Variants in PTPRD observed in about 807,000 individuals in gnomAD.
PTPRD encodes protein tyrosine phosphatase receptor type D.
PTPRD carries 34 observed loss-of-function variants against 214.5 expected under a neutral mutation model. The observed-to-expected ratio is 0.16, with a 90% CI of 0.12 to 0.21. The LOEUF (loss-of-function observed/expected upper bound fraction) is 0.21. PTPRD is among the 10% of genes least tolerant of loss of function. The pLI, the probability that PTPRD is intolerant of heterozygous loss-of-function variation, is 1.00. For missense variants in PTPRD, 2,545 were observed against 2,398.7 expected, an observed-to-expected ratio of 1.06 and a Z score of -1.27; for synonymous variants, 1,128 against 845.7, an observed-to-expected ratio of 1.33 and a Z score of -5.79.
chr9:10,174,512 A>T (rs1233207856), intron 3 of PTPRD, among the ~76,000 whole-genome samples: 1 of 152,066 alleles, frequency 6.6e-6, no homozygotes, highest in East Asian at 1.9e-4. Context: ...TAAATTTATA[A>T]ATCACCCAGC....
intron 30 of PTPRD, 125 bp downstream of exon 30, chr9:8,483,994 C>A: frequency 7.9e-7 from 1 of 1,259,072 alleles, no homozygotes; most frequent in Non-Finnish European, 1.1e-6. Context: ...AACTGGGAGT[C>A]TGAGCAGAAG....
chr9:9,782,536 G>C (rs2098859430), intron 5 of PTPRD, among the ~76,000 whole-genome samples: 1 of 152,116 alleles, frequency 6.6e-6, no homozygotes, highest in Non-Finnish European at 1.5e-5. Flanking sequence ...GGAAACCCTA[G>C]GTTGTGATAA....
At chr9:10,484,478 A>T (rs2099119849) in intron 2 of PTPRD, among the ~76,000 whole-genome samples, 1 of 152,040 alleles carries the variant, frequency 6.6e-6, no homozygotes, top group African/African-American at 2.4e-5. Flanking sequence ...TTTCCATAGT[A>T]GTTGTATTAT....
intron 2 of PTPRD, among the ~76,000 whole-genome samples, chr9:10,599,846 C>G (rs187411232): frequency 6.6e-6 from 1 of 151,716 alleles, no homozygotes; most frequent in Non-Finnish European, 1.5e-5. Context: ...GAGGCTTTTA[C>G]GCTTCCCAGT....
At chr9:9,421,815 C>T (rs2078911829) in intron 8 of PTPRD, among the ~76,000 whole-genome samples, 1 of 152,044 alleles carries the variant, frequency 6.6e-6, no homozygotes, top group African/African-American at 2.4e-5. Flanking sequence ...ATTCTTGGCA[C>T]ATGGTGTGCA....
chr9:8,970,106 G>A lies in PTPRD; in HGVS notation c.-104+48591C>T, dbSNP rs115622392. Among the ~76,000 whole-genome samples, 383 of 151,942 alleles carry A rather than the reference G, an allele frequency of 2.5e-3. 1 individual carries two copies. The highest frequency in any genetic ancestry group is 9.1e-3 in the African/African-American group (378 of 41,518). ...TAAAGGGTATGTGGAGTTGCCATGT[G>A]TTCAGTTTATAACTAGAAATTCTAG... is the stretch of plus-strand genomic sequence containing the variant. On this transcript the variant is annotated intron_variant, in intron 11 of 45. Coordinates refer to ENST00000381196, the MANE Select transcript of PTPRD (RefSeq NM_002839.4).
At chr9:9,765,700 G>A (rs1023440483) in intron 6 of PTPRD, among the ~76,000 whole-genome samples, 12 of 152,104 alleles carry the variant, frequency 7.9e-5, no homozygotes, top group African/African-American at 2.7e-4. Flanking sequence ...TCGCTCTGTC[G>A]CCCAGGCTGG....
At chr9:9,422,690 G>A (rs1256292728) in intron 8 of PTPRD, among the ~76,000 whole-genome samples, 1 of 152,100 alleles carries the variant, frequency 6.6e-6, no homozygotes, top group East Asian at 1.9e-4. Flanking sequence ...AATAGCTAGG[G>A]AGACAAAAAG....
At chr9:8,927,715 A>G (rs944108825) in intron 11 of PTPRD, among the ~76,000 whole-genome samples, 1 of 152,174 alleles carries the variant, frequency 6.6e-6, no homozygotes, top group Non-Finnish European at 1.5e-5. Flanking sequence ...TCCTTTGGGT[A>G]TATACCCAGA....
chr9:9,899,614 T>C (rs994236236), intron 5 of PTPRD, among the ~76,000 whole-genome samples: 1 of 151,930 alleles, frequency 6.6e-6, no homozygotes, highest in Non-Finnish European at 1.5e-5. Context: ...TTTAAGTTAG[T>C]ACAGCTATTA....
At chr9:9,202,594 G>C (rs2099942513) in intron 9 of PTPRD, among the ~76,000 whole-genome samples, 1 of 152,142 alleles carries the variant, frequency 6.6e-6, no homozygotes, top group South Asian at 2.1e-4. Context: ...CTCTAGTTGG[G>C]GGATGGGGGG....
chr9:9,750,164 C>T (rs2761707), intron 6 of PTPRD, among the ~76,000 whole-genome samples: 80,507 of 151,960 alleles, frequency 0.53, 24,512 homozygotes, highest in African/African-American at 0.83. Context: ...CTCTCTCTAG[C>T]GCATATCCTA....
At chr9:10,603,950 G>A (rs1422449719) in intron 2 of PTPRD, among the ~76,000 whole-genome samples, 1 of 151,816 alleles carries the variant, frequency 6.6e-6, no homozygotes, top group South Asian at 2.1e-4. Flanking sequence ...TAAGAGAAAT[G>A]CACAATACAG....
At chr9:8,867,589 G>A (rs536974460) in intron 11 of PTPRD, among the ~76,000 whole-genome samples, 46 of 152,156 alleles carry the variant, frequency 3.0e-4, no homozygotes, top group African/African-American at 1.1e-3. Flanking sequence ...TAAAAAACAG[G>A]TCGTGTTCTA....
chr9:8,852,608 C>A (rs941337579), intron 11 of PTPRD, among the ~76,000 whole-genome samples: 6 of 152,178 alleles, frequency 3.9e-5, no homozygotes, highest in African/African-American at 9.6e-5. Flanking sequence ...ATACTACTTG[C>A]CTGCTGGTAT....
intron 9 of PTPRD, among the ~76,000 whole-genome samples, chr9:9,277,162 C>T (rs1945967823): frequency 6.6e-6 from 1 of 151,266 alleles, no homozygotes; most frequent in South Asian, 2.1e-4. Context: ...TATAACAATG[C>T]CAGGCTTAAA....
At chr9:10,570,611 C>A (rs1009445541) in intron 2 of PTPRD, among the ~76,000 whole-genome samples, 2 of 151,936 alleles carry the variant, frequency 1.3e-5, no homozygotes, top group Admixed American at 6.6e-5. Flanking sequence ...GGGATGGGAA[C>A]CTTATTATTT....
intron 39 of PTPRD, among the ~76,000 whole-genome samples, chr9:8,344,135 C>G (rs1855217148): frequency 6.6e-6 from 1 of 152,050 alleles, no homozygotes; most frequent in Admixed American, 6.6e-5. Flanking sequence ...GGTCCTGAGA[C>G]TCCAAGTAAC....
intron 3 of PTPRD, among the ~76,000 whole-genome samples, chr9:10,038,330 T>C (rs2097226991): frequency 1.3e-5 from 2 of 152,092 alleles, no homozygotes; most frequent in African/African-American, 4.8e-5. Flanking sequence ...TACTGATAAA[T>C]CCCAAATATA....
Sources: gnomAD v4.1 joint callset for allele counts (sites outside exome capture counted in the v4.1 genomes callset) on GRCh38, gnomAD v4.1.1 for gene constraint, MANE v1.5 for transcripts, NCBI Gene and HGNC (gene_info 2026-07-23, HGNC 2026-07-21) for gene names.